The following CALCOCO1 variants were observed in gnomAD, a reference collection of about 807,000 sequenced individuals.
CALCOCO1 encodes the protein calcium-binding and coiled-coil domain-containing protein 1.
CALCOCO1 carries 44 observed loss-of-function variants against 86.3 expected under a neutral mutation model. The ratio of observed to expected loss-of-function variants is 0.51; its 90% CI spans 0.40 to 0.66. The LOEUF (loss-of-function observed/expected upper bound fraction) is 0.66, where lower values mean the gene tolerates loss of function less well. Among genes scored for constraint, CALCOCO1 ranks in the 30% least tolerant of loss-of-function variants. CALCOCO1 has a pLI of 0.00. For synonymous variants in CALCOCO1, 297 were observed against 327.6 expected (o/e 0.91, Z 1.01); for missense variants, 708 against 851.1 (o/e 0.83, Z 2.09).
chr12:53,723,719 C>A lies in CALCOCO1; in HGVS notation c.324G>T (p.Gln108His). The stretch of plus-strand genomic sequence containing the variant: ...GGAAAGGGGGGCTCTGCCCACACAC[C>A]TGGCCCTGGCGGTTCACATATCGGA... ...YQFRYVNRQG[Q>H]VCGQSPPFQF... The change falls in exon 4 of 15, where the codon CAG (glutamine) becomes CAT (histidine). Residue 108 changes from glutamine to histidine, a missense_variant. Physicochemically the swap from Gln to His is conservative, Grantham distance 24. Transcript: ENST00000550804. 6.2e-7 allele frequency: 1 copy of A among 1,614,238 alleles called. No individual in the cohort carries two copies. The highest frequency in any genetic ancestry group is 8.5e-7 in the Non-Finnish European group (1 of 1,180,046).
intron 13 of CALCOCO1, 105 bp from the exon 14 acceptor site, chr12:53,713,311 C>T (rs1945626967): frequency 3.4e-6 from 3 of 891,464 alleles, no homozygotes; most frequent in African/African-American, 1.6e-5. Flanking sequence ...AGGACAGTGA[C>T]CTGAGGGGCT....
Position 53,716,305 on chromosome 12 carries a change from C to T in CALCOCO1, c.960G>A (p.Lys320=), listed in dbSNP as rs781764988. 6.2e-7 allele frequency: 1 copy of T among 1,614,224 alleles called. No homozygotes were observed. The highest frequency in any genetic ancestry group is 1.1e-5 in the South Asian group (1 of 91,088). Residue 320 remains lysine, a synonymous_variant, in exon 8 of 15, where the codon AAG becomes AAA. Transcript: ENST00000550804. Reference sequence around the variant, plus strand: ...CTAGGGTGTCCTTCATCTGGGCCACCTTGTCTTTCAGTCGCTGAGCCTGAG... The same window carrying T: ...CTAGGGTGTCCTTCATCTGGGCCACTTTGTCTTTCAGTCGCTGAGCCTGAG... ...QSAQAQRLKD[K]VAQMKDTLGQ...
rs756165793 is a variant in CALCOCO1 at position 53,716,310 on chromosome 12, C to A, written c.955G>T (p.Asp319Tyr). ...GTGTCCTTCATCTGGGCCACCTTGTCTTTCAGTCGCTGAGCCTGAGCACTC... is the reference window on the plus strand; with the variant it reads ...GTGTCCTTCATCTGGGCCACCTTGTATTTCAGTCGCTGAGCCTGAGCACTC... Reference protein sequence around the residue: ...EQSAQAQRLKDKVAQMKDTLG... With the variant: ...EQSAQAQRLKYKVAQMKDTLG... The change falls in exon 8 of 15, where the codon GAC (aspartate) becomes TAC (tyrosine). Residue 319 changes from aspartate to tyrosine, a missense_variant. Transcript: ENST00000550804. The A allele has an allele frequency of 2.5e-6, 4 of 1,614,090 alleles. No individual in the cohort carries two copies. In the African/African-American group the frequency reaches 5.3e-5, roughly 22 times the overall value.
Position 53,715,797 on chromosome 12 carries a change from A to C in CALCOCO1, c.1256T>G (p.Val419Gly), listed in dbSNP as rs1945709000. ...AGGTACCCCCCATCCCTCTACCTCC[A>C]CACTCTGCAGCAGCCCTGCCCGCTC... ...SKERAGLLQSVEAEKDKILKL... is the reference protein window; with the variant it reads ...SKERAGLLQSGEAEKDKILKL... The change falls in exon 9 of 15, where the codon GTG (valine) becomes GGG (glycine). Residue 419 changes from valine to glycine, a missense_variant. Coordinates refer to ENST00000550804, the MANE Select transcript of CALCOCO1 (RefSeq NM_020898.3). The C allele has an allele frequency of 6.2e-7, 1 of 1,612,824 alleles. No individual in the cohort carries two copies. The highest frequency in any genetic ancestry group is 8.5e-7 in the Non-Finnish European group (1 of 1,179,974).
At chr12:53,712,734 T>C (rs752003659) in intron 14 of CALCOCO1, 4 of 1,142,736 alleles carry the variant, frequency 3.5e-6, no homozygotes, top group African/African-American at 3.2e-5. Flanking sequence ...CTGGGGGCCA[T>C]GGTCACCTCC....
rs1171580361 is a variant in CALCOCO1 at position 53,715,186 on chromosome 12, G to C, written c.1386+14C>G. On this transcript the variant is annotated intron_variant, in intron 10 of 14. Coordinates refer to ENST00000550804, the MANE Select transcript of CALCOCO1 (RefSeq NM_020898.3). ...AGGCCATAGGACAGGACCCTTGGTG[G>C]CTGGATGCCTCACCAGGCTAGAATC... The C allele has an allele frequency of 6.2e-7, 1 of 1,613,834 alleles. No homozygotes were observed. The highest frequency in any genetic ancestry group is 2.2e-5 in the East Asian group (1 of 44,890).
Position 53,711,116 on chromosome 12 carries a change from C to A in CALCOCO1, c.*828G>T. ...TAAGAACACATTTTGTGACAACAGT[C>A]ATACATATCATATAAATATATTTGT... On this transcript the variant is annotated 3_prime_UTR_variant, in exon 15 of 15. Transcript: ENST00000550804. 1 of 395,604 alleles carries A rather than the reference C, an allele frequency of 2.5e-6. No individual in the cohort carries two copies. Among genetic ancestry groups the A allele is most frequent in the South Asian group, 1.3e-4 (1 of 7,712 alleles). 24.5% of individuals were successfully genotyped at this position (395,604 alleles called of 1,614,324 possible).
In CALCOCO1 at chr12:53,713,118, G is replaced by T. The variant is rs1211498850; in HGVS notation, c.1880C>A (p.Ala627Asp). 2 of 1,613,896 alleles carry T rather than the reference G, an allele frequency of 1.2e-6. No homozygotes were observed. The highest frequency in any genetic ancestry group is 4.5e-5 in the East Asian group (2 of 44,864). ...ANLLLPELGS[A>D]FYDMASGFTV... is the part of the protein sequence containing the mutation. ...AACTCACCTGGCCATGTCATAGAAG[G>T]CACTGCCCAGTTCAGGAAGCAGTAA... Residue 627 changes from alanine (A) to aspartate (D), a missense_variant, in exon 14 of 15, where the codon GCC becomes GAC. Transcript: ENST00000550804.
At chr12:53,712,172 C>A in intron 14 of CALCOCO1, 51 bp from the exon 15 acceptor site, 1 of 1,503,668 alleles carries the variant, frequency 6.7e-7, no homozygotes, top group Non-Finnish European at 9.0e-7. Flanking sequence ...CTGTTCCCTT[C>A]TTGACTTGCA....
chr12:53,711,207 G>C lies in CALCOCO1; in HGVS notation c.*737C>G, dbSNP rs1945541104. 7.5e-6 allele frequency: 3 copies of C among 398,704 alleles called. No individual in the cohort carries two copies. The highest frequency in any genetic ancestry group is 8.8e-5 in the Admixed American group (2 of 22,708). 24.7% of individuals were successfully genotyped at this position (398,704 alleles called of 1,614,324 possible). A position where few individuals can be genotyped will look rare whatever the true frequency, so the allele number is the denominator to read the frequency against. ...TGCTGTGGGGGGACCTGGAGAGGGA[G>C]GGGGGCCTTGGAAATGGGGATACCT... On this transcript the variant is annotated 3_prime_UTR_variant, in exon 15 of 15. Transcript: ENST00000550804.
At chr12:53,719,886 C>A in intron 6 of CALCOCO1, 57 bp from the exon 7 acceptor site, 1 of 1,202,160 alleles carries the variant, frequency 8.3e-7, no homozygotes, top group Non-Finnish European at 1.2e-6. Flanking sequence ...AAGGAATGGA[C>A]TCAGGCCTCT....
At position 53,713,722 on chromosome 12, in the gene CALCOCO1, A is replaced by G. The variant is rs1374561460; in HGVS notation, c.1770T>C (p.Ala590=). ...APISPHLSGP[A]EDSSSDSEAE... ...TCACCGAGTCAGAGCTACTGTCCTC[A>G]GCTGGCCCAGAGAGGTGAGGAGAAA... The change falls in exon 13 of 15, where the codon GCT becomes GCC. Residue 590 remains alanine (A), a synonymous_variant. Coordinates refer to ENST00000550804, the MANE Select transcript of CALCOCO1 (RefSeq NM_020898.3). 1.3e-6 allele frequency: 2 copies of G among 1,581,418 alleles called. No homozygotes were observed. Among genetic ancestry groups the G allele is most frequent in the African/African-American group, 1.4e-5 (1 of 73,800 alleles).
intron 14 of CALCOCO1, 89 bp downstream of exon 14, chr12:53,713,011 T>C (rs1945612203): frequency 7.5e-7 from 1 of 1,341,294 alleles, no homozygotes. Context: ...GGGCAGGGGT[T>C]GGGAGCAGGG....
intron 9 of CALCOCO1, 151 bp from the exon 10 acceptor site, chr12:53,715,476 C>G: frequency 9.3e-7 from 1 of 1,074,450 alleles, no homozygotes; most frequent in South Asian, 1.6e-5. Context: ...TTTCCTATAC[C>G]CTCTGAATGA....
chr12:53,725,484 T>G (rs1447054793), intron 1 of CALCOCO1, among the ~76,000 whole-genome samples: 1 of 152,238 alleles, frequency 6.6e-6, no homozygotes, highest in Non-Finnish European at 1.5e-5. Context: ...TGTCTCACAC[T>G]GTACCCGCTC....
At position 53,714,238 on chromosome 12, in the gene CALCOCO1, A is replaced by C; in HGVS notation, c.1486T>G (p.Leu496Val). Reference sequence around the variant, plus strand: ...TCTAGCTTTCTCATGTACTCTAGCAATTCCTGGAATTGGGAAGGAAAAAGG... The same window carrying C: ...TCTAGCTTTCTCATGTACTCTAGCACTTCCTGGAATTGGGAAGGAAAAAGG... ...KEQLQEEKQELLEYMRKLEAR... is the reference protein window; with the variant it reads ...KEQLQEEKQEVLEYMRKLEAR... The change falls in exon 12 of 15, where the codon TTG (leucine) becomes GTG (valine). Residue 496 changes from leucine (L) to valine (V), a missense_variant. Leu to Val is a conservative substitution (Grantham distance 32). Coordinates refer to ENST00000550804, the MANE Select transcript of CALCOCO1 (RefSeq NM_020898.3). 6.2e-7 allele frequency: 1 copy of C among 1,611,566 alleles called. No individual in the cohort carries two copies. Among genetic ancestry groups the C allele is most frequent in the Non-Finnish European group, 8.5e-7 (1 of 1,178,176 alleles).
chr12:53,718,913 T>G (rs1405001487), intron 7 of CALCOCO1, among the ~76,000 whole-genome samples: 1 of 146,810 alleles, frequency 6.8e-6, no homozygotes, highest in Non-Finnish European at 1.5e-5. Flanking sequence ...CGTAGTGTGA[T>G]CTAGGCTCAC....
At chr12:53,727,138 C>T (rs1029803758) in intron 1 of CALCOCO1, among the ~76,000 whole-genome samples, 2 of 152,128 alleles carry the variant, frequency 1.3e-5, no homozygotes, top group African/African-American at 4.8e-5. Context: ...CAGATTTCAG[C>T]TCCCTTGAAG....
chr12:53,715,629 G>T, intron 9 of CALCOCO1, 164 bp downstream of exon 9: 1 of 928,300 alleles, frequency 1.1e-6, no homozygotes, highest in Non-Finnish European at 1.6e-6. Context: ...GATGGGTCAT[G>T]CCTAGAAAGT....
Sources: allele counts gnomAD v4.1 joint callset (sites outside exome capture counted in the v4.1 genomes callset), GRCh38; gene constraint gnomAD v4.1.1; transcripts MANE v1.5; gene names NCBI Gene and HGNC (gene_info 2026-07-23, HGNC 2026-07-21).